Variants in SLC35A3 observed in about 807,000 individuals in gnomAD.
SLC35A3 encodes UDP-N-acetylglucosamine transporter.
SLC35A3 carries 26 observed loss-of-function variants against 39.0 expected under a neutral mutation model. The observed-to-expected ratio is 0.67, with a 90% CI of 0.49 to 0.92. The LOEUF (loss-of-function observed/expected upper bound fraction) is 0.92, where lower values mean the gene tolerates loss of function less well. Among genes scored for constraint, SLC35A3 ranks in the 40% least tolerant of loss-of-function variants. The pLI is 0.00. For missense variants in SLC35A3, 299 were observed against 371.6 expected (o/e 0.80, Z 1.61); for synonymous variants, 135 against 133.1 (o/e 1.01, Z -0.10).
chr1:100,016,673 C>A (rs182604596), intron 6 of SLC35A3, among the ~76,000 whole-genome samples: 166 of 152,020 alleles, frequency 1.1e-3, no homozygotes, highest in African/African-American at 3.8e-3. Flanking sequence ...TCGCCTGGCC[C>A]GGATACTTCT....
At chr1:99,998,332 A>T (rs192342266) in intron 2 of SLC35A3, among the ~76,000 whole-genome samples, 2,040 of 151,360 alleles carry the variant, frequency 0.013, 19 homozygotes, top group Middle Eastern at 0.058. Context: ...TTAAAAAAAA[A>T]TTTTTTTTTG....
chr1:100,001,586 A>G (rs552687883), intron 3 of SLC35A3, among the ~76,000 whole-genome samples: 77 of 152,202 alleles, frequency 5.1e-4, no homozygotes, highest in African/African-American at 1.6e-3. Flanking sequence ...ATCAGCTCTA[A>G]GAGTTTTTTT....
At chr1:99,983,375 TAA>T (rs1227327716) in intron 1 of SLC35A3, among the ~76,000 whole-genome samples, 2 of 151,524 alleles carry the variant, frequency 1.3e-5, no homozygotes, top group African/African-American at 4.8e-5. Context: ...CCGTCTCTAC[TAA>T]AAATACAAAA....
At chr1:100,005,048 C>T (rs995805062) in intron 3 of SLC35A3, among the ~76,000 whole-genome samples, 3 of 152,222 alleles carry the variant, frequency 2.0e-5, no homozygotes, top group African/African-American at 4.8e-5. Context: ...TGAGCCTCCA[C>T]GCCCAGCCTG....
intron 1 of SLC35A3, among the ~76,000 whole-genome samples, chr1:99,986,201 G>A (rs1657730986): frequency 1.5e-5 from 2 of 137,278 alleles, no homozygotes; most frequent in Admixed American, 1.6e-4. Flanking sequence ...GTCTCACTCT[G>A]TTGCTCGGGC....
At chr1:100,007,816 T>C (rs907845912) in intron 4 of SLC35A3, 4 of 152,062 alleles carry the variant, frequency 2.6e-5, no homozygotes, top group African/African-American at 9.7e-5. Context: ...TTATTATTTA[T>C]TATGATTATT....
intron 5 of SLC35A3, among the ~76,000 whole-genome samples, chr1:100,014,668 A>G (rs1468418380): frequency 6.6e-6 from 1 of 152,230 alleles, no homozygotes; most frequent in African/African-American, 2.4e-5. Context: ...CAATTTGCAC[A>G]TATTCGAATG....
At chr1:100,015,728 C>T (rs1660055069) in intron 6 of SLC35A3, 1 of 289,408 alleles carries the variant, frequency 3.5e-6, no homozygotes, top group East Asian at 5.8e-5. Flanking sequence ...TATCATTGTA[C>T]AGGAAGTCTG....
intron 7 of SLC35A3, among the ~76,000 whole-genome samples, chr1:100,019,362 G>T (rs1435974779): frequency 6.6e-6 from 1 of 151,694 alleles, no homozygotes; most frequent in Admixed American, 6.6e-5. Flanking sequence ...AAAGAGAAAA[G>T]ACAATGATAC....
intron 6 of SLC35A3, 86 bp downstream of exon 6, chr1:100,015,506 A>AG (rs3835492): frequency 7.2e-7 from 1 of 1,381,094 alleles, no homozygotes; most frequent in Non-Finnish European, 9.5e-7. Flanking sequence ...TACTGATGTG[A>AG]GGGGGAAAAG....
chr1:99,995,136 C>CTTTCTTTCTT (rs1658319614), intron 2 of SLC35A3, among the ~76,000 whole-genome samples: 2 of 137,844 alleles, frequency 1.5e-5, no homozygotes, highest in Non-Finnish European at 3.2e-5. Context: ...TTCTTTCTTT[C>CTTTCTTTCTT]TTTCTTTCTT....
intron 3 of SLC35A3, among the ~76,000 whole-genome samples, chr1:100,001,386 G>A (rs188736563): frequency 1.6e-4 from 25 of 151,780 alleles, no homozygotes; most frequent in Admixed American, 1.4e-3. Context: ...TCTTTCATCC[G>A]TGTTTTGTAG....
chr1:99,976,580 A>G (rs1412566423), intron 1 of SLC35A3, among the ~76,000 whole-genome samples: 2 of 152,226 alleles, frequency 1.3e-5, no homozygotes, highest in Middle Eastern at 3.2e-3. Context: ...ATCAGTGGTG[A>G]ACTGGACATA....
In SLC35A3 at chr1:100,031,909, A is replaced by T. The variant is rs146479337; in HGVS notation, c.*9433A>T. On this transcript the variant is annotated 3_prime_UTR_variant, in exon 8 of 8. Transcript: ENST00000533028. ...GCTACCTCTAATGACTTTTCTCCCCATGATAGTACTCTTTGAAGGACCAAA... is the reference window on the plus strand; with the variant it reads ...GCTACCTCTAATGACTTTTCTCCCCTTGATAGTACTCTTTGAAGGACCAAA... The T allele has an allele frequency of 6.6e-6, 1 of 152,198 alleles. No individual in the cohort carries two copies. Among genetic ancestry groups the T allele is most frequent in the East Asian group, 1.9e-4 (1 of 5,176 alleles). The allele number at this position is 152,198 out of a possible 1,614,324, so 9.4% of individuals were successfully genotyped here.
chr1:99,989,182 G>T (rs1657929200), intron 1 of SLC35A3, among the ~76,000 whole-genome samples: 1 of 152,098 alleles, frequency 6.6e-6, no homozygotes, highest in African/African-American at 2.4e-5. Flanking sequence ...GGTACATAAT[G>T]GTATCTCATT....
chr1:100,021,437 G>C (rs1660531251), intron 7 of SLC35A3, among the ~76,000 whole-genome samples: 1 of 152,076 alleles, frequency 6.6e-6, no homozygotes, highest in Non-Finnish European at 1.5e-5. Context: ...AGCACATTGG[G>C]AGTCTGAGGC....
At chr1:99,982,949 G>A (rs928044396) in intron 1 of SLC35A3, among the ~76,000 whole-genome samples, 2 of 152,236 alleles carry the variant, frequency 1.3e-5, no homozygotes, top group African/African-American at 4.8e-5. Context: ...TTTGTGCACA[G>A]GACTGTAAAG....
intron 1 of SLC35A3, among the ~76,000 whole-genome samples, chr1:99,983,482 T>A (rs1188535293): frequency 6.6e-6 from 1 of 150,624 alleles, no homozygotes; most frequent in Non-Finnish European, 1.5e-5. Flanking sequence ...GAGGTTGGAG[T>A]GAGCCGAGAT....
chr1:99,973,267 T>C (rs1451601532), intron 1 of SLC35A3, among the ~76,000 whole-genome samples: 1 of 152,324 alleles, frequency 6.6e-6, no homozygotes, highest in Admixed American at 6.5e-5. Flanking sequence ...CTGAAATAGC[T>C]TGAACATCAT....
Sources: allele counts gnomAD v4.1 joint callset (sites outside exome capture counted in the v4.1 genomes callset), GRCh38; gene constraint gnomAD v4.1.1; transcripts MANE v1.5; gene names NCBI Gene and HGNC (gene_info 2026-07-23, HGNC 2026-07-21).